The following SMG1 variants were observed in gnomAD, a reference collection of about 807,000 sequenced individuals.
SMG1 encodes the protein serine/threonine-protein kinase SMG1.
A neutral mutation model predicts 419.9 loss-of-function variants in SMG1; 22 were observed. That is an observed-to-expected ratio of 0.05 (90% CI 0.04 to 0.07). The LOEUF is 0.07. Ranked by LOEUF, SMG1 falls within the 10% of genes least tolerant of loss-of-function variation. The probability of loss-of-function intolerance (pLI) is 1.00; values close to 1 mark genes in which losing one functional copy is unlikely to be tolerated. For missense variants in SMG1, 3,185 were observed against 4,342.0 expected, an observed-to-expected ratio of 0.73 and a Z score of 7.49; for synonymous variants, 1,538 against 1,553.5, an observed-to-expected ratio of 0.99 and a Z score of 0.23.
chr16:18,829,973 A>G lies in SMG1; in HGVS notation c.9086T>C (p.Ile3029Thr). The change falls in exon 53 of 63, where the codon ATT becomes ACT. Residue 3029 changes from isoleucine to threonine, a missense_variant. Transcript: ENST00000446231. ...EIFFLKRLQT[I>T]KEFFRLCGTF... ...ACCACAGAGCCTGAAGAACTCCTTA[A>G]TAGTCTGTAGTCTTTTTAGAAAGAA... is the stretch of plus-strand genomic sequence containing the variant. The G allele has an allele frequency of 6.3e-7, 1 of 1,584,986 alleles. No homozygotes were observed. Among genetic ancestry groups the G allele is most frequent in the Non-Finnish European group, 8.6e-7 (1 of 1,166,754 alleles).
chr16:18,901,011 G>T (rs1381748523), intron 1 of SMG1, among the ~76,000 whole-genome samples: 1 of 152,106 alleles, frequency 6.6e-6, no homozygotes, highest in African/African-American at 2.4e-5. Context: ...ATATTAATTT[G>T]AGAGGCTCAG....
intron 1 of SMG1, among the ~76,000 whole-genome samples, chr16:18,921,432 G>A (rs1413307664): frequency 6.6e-6 from 1 of 151,920 alleles, no homozygotes; most frequent in Non-Finnish European, 1.5e-5. Flanking sequence ...AGTTTATTAT[G>A]GCTGTTTTAC....
At chr16:18,846,172 A>G (rs563645669) in intron 38 of SMG1, among the ~76,000 whole-genome samples, 22 of 152,318 alleles carry the variant, frequency 1.4e-4, no homozygotes, top group Non-Finnish European at 2.8e-4. Flanking sequence ...CCTCTTTTCA[A>G]TGAACTAAAT....
intron 1 of SMG1, among the ~76,000 whole-genome samples, chr16:18,916,408 G>A (rs1012126367): frequency 3.3e-5 from 5 of 150,864 alleles, no homozygotes; most frequent in Admixed American, 6.6e-5. Flanking sequence ...CCAGCTACTC[G>A]GGAGGCTGAG....
At chr16:18,810,258 A>C (rs1002909778) in intron 62 of SMG1, among the ~76,000 whole-genome samples, 1 of 152,224 alleles carries the variant, frequency 6.6e-6, no homozygotes, top group South Asian at 2.1e-4. Context: ...CTTGATGTAA[A>C]ATACTGAGAA....
chr16:18,831,559 T>C (rs2033173049), intron 51 of SMG1, among the ~76,000 whole-genome samples: 1 of 152,042 alleles, frequency 6.6e-6, no homozygotes, highest in African/African-American at 2.4e-5. Flanking sequence ...ATGATAAAGC[T>C]GTTCTATAAA....
chr16:18,858,714 T>C (rs987834539), intron 28 of SMG1: 23 of 248,324 alleles, frequency 9.3e-5, no homozygotes, highest in Non-Finnish European at 1.5e-4. Flanking sequence ...GGAGAGATCT[T>C]TGTTTGCAGC....
intron 39 of SMG1, among the ~76,000 whole-genome samples, chr16:18,843,352 C>T (rs951378598): frequency 1.3e-5 from 2 of 152,196 alleles, no homozygotes; most frequent in Admixed American, 6.5e-5. Context: ...TTAGGTCTGA[C>T]CACTTGAGGT....
chr16:18,881,590 A>G (rs1003544739), intron 10 of SMG1, among the ~76,000 whole-genome samples: 3 of 152,190 alleles, frequency 2.0e-5, no homozygotes, highest in Non-Finnish European at 4.4e-5. Flanking sequence ...AGCAGAGTAC[A>G]ATGCCTGGGG....
chr16:18,904,543 CA>C (rs1388960733), intron 1 of SMG1, among the ~76,000 whole-genome samples: 1 of 151,824 alleles, frequency 6.6e-6, no homozygotes, highest in Non-Finnish European at 1.5e-5. Context: ...GAGGCTGAGG[CA>C]GGGGAATCGT....
intron 38 of SMG1, among the ~76,000 whole-genome samples, chr16:18,845,892 T>A (rs909893583): frequency 2.0e-5 from 3 of 152,068 alleles, no homozygotes; most frequent in African/African-American, 7.2e-5. Flanking sequence ...CTTGGCTCAC[T>A]GCAACCTCCA....
chr16:18,858,978 G>A (rs2035066637), intron 28 of SMG1, 44 bp downstream of exon 28: 6 of 1,075,858 alleles, frequency 5.6e-6, no homozygotes, highest in Non-Finnish European at 6.5e-6. Flanking sequence ...CTACAGTAAT[G>A]ACCATTAATA....
chr16:18,810,012 C>G (rs571467574), intron 62 of SMG1, among the ~76,000 whole-genome samples: 1 of 151,196 alleles, frequency 6.6e-6, no homozygotes, highest in South Asian at 2.1e-4. Flanking sequence ...AAGAAGAGTT[C>G]AAGTCTAGGT....
Position 18,816,416 on chromosome 16 carries a change from C to T in SMG1, c.10188G>A (p.Gln3396=), listed in dbSNP as rs2032003827. 1 of 1,613,952 alleles carries T rather than the reference C, an allele frequency of 6.2e-7. No individual in the cohort carries two copies. Among genetic ancestry groups the T allele is most frequent in the Non-Finnish European group, 8.5e-7 (1 of 1,179,868 alleles). The change falls in exon 58 of 63, where the codon CAG becomes CAA. Residue 3396 remains glutamine, a synonymous_variant. Transcript: ENST00000446231. ...QRAIQTEKEQ[Q]IETVCETIQN... ...GAATTGTTTCACAGACCGTTTCTATCTGCTGCTCTTTCTCTGTCTGAATTG... is the reference window on the plus strand; with the variant it reads ...GAATTGTTTCACAGACCGTTTCTATTTGCTGCTCTTTCTCTGTCTGAATTG...
Position 18,852,325 on chromosome 16 carries a change from T to C in SMG1, c.4906A>G (p.Asn1636Asp). 1.9e-6 allele frequency: 3 copies of C among 1,610,112 alleles called. No homozygotes were observed. Among genetic ancestry groups the C allele is most frequent in the Non-Finnish European group, 2.5e-6 (3 of 1,178,804 alleles). ...AYRWGRKVVD[N>D]ASQGEGVRLL... ...CTACACATTTAAACATACCTGGCAT[T>C]GTCAACCACCTTTCTGCCCCACCTA... is the stretch of plus-strand genomic sequence containing the variant. Residue 1636 changes from asparagine to aspartate, a missense_variant, in exon 32 of 63, where the codon AAT (asparagine) becomes GAT (aspartate). By Grantham distance (23) the Asn-to-Asp change is conservative (BLOSUM62 1). Around this residue, in one of 27 missense-constraint regions of SMG1, gnomAD observed 493 missense variants for 552.9 expected, o/e 0.89. Transcript: ENST00000446231.
chr16:18,875,305 A>C (rs1047865822), intron 13 of SMG1: 19 of 152,686 alleles, frequency 1.2e-4, no homozygotes, highest in Admixed American at 5.9e-4. Flanking sequence ...ATACTCCAAA[A>C]TCCGGCTGGG....
Position 18,876,178 on chromosome 16 carries a change from T to C in SMG1, c.1836A>G (p.Ile612Met). 1.2e-6 allele frequency: 2 copies of C among 1,611,810 alleles called. No individual in the cohort carries two copies. The highest frequency in any genetic ancestry group is 1.7e-6 in the Non-Finnish European group (2 of 1,179,698). The change falls in exon 13 of 63, where the codon ATA becomes ATG. Residue 612 changes from isoleucine (I) to methionine (M), a missense_variant. Ile to Met is a conservative substitution (Grantham distance 10). Around this residue, in one of 27 missense-constraint regions of SMG1, gnomAD observed 297 missense variants for 491.0 expected, o/e 0.60. Transcript: ENST00000446231. ...FNVDNAKFVV[I>M]FDLSALTTIG... ...TTGTAGTCAGGGCACTGAGGTCAAA[T>C]ATAACTACAAATTTTGCATTGTCTA... is the stretch of plus-strand genomic sequence containing the variant.
chr16:18,812,579 CAT>C (rs768840337), intron 60 of SMG1, among the ~76,000 whole-genome samples: 20 of 149,480 alleles, frequency 1.3e-4, no homozygotes, highest in Non-Finnish European at 2.4e-4. Context: ...TATACACACA[CAT>C]ATATATACAT....
chr16:18,875,445 G>C (rs2036070567), intron 13 of SMG1: 1 of 152,342 alleles, frequency 6.6e-6, no homozygotes, highest in Non-Finnish European at 1.5e-5. Flanking sequence ...AAAAAAATTA[G>C]CCAGGCATGG....
Sources: gnomAD v4.1 joint callset for allele counts (sites outside exome capture counted in the v4.1 genomes callset) on GRCh38, gnomAD v4.1.1 for gene constraint, gnomAD v4.1.1 regional missense constraint, MANE v1.5 for transcripts, NCBI Gene and HGNC (gene_info 2026-07-23, HGNC 2026-07-21) for gene names.